Variants in UBAC1 observed in about 807,000 individuals in gnomAD.
UBAC1 encodes UBA domain containing 1, also known as ubiquitin-associated domain-containing protein 1.
A neutral mutation model predicts 45.9 loss-of-function variants in UBAC1; 27 were observed. The ratio of observed to expected loss-of-function variants is 0.59; its 90% confidence interval spans 0.43 to 0.81. The LOEUF (loss-of-function observed/expected upper bound fraction) is 0.81. Among genes scored for constraint, UBAC1 ranks in the 30% least tolerant of loss-of-function variants. UBAC1 has a pLI of 0.00. For synonymous variants in UBAC1, 227 were observed against 215.5 expected (o/e 1.05, Z -0.47); for missense variants, 529 against 539.2 (o/e 0.98, Z 0.19).
chr9:135,947,091 G>A (rs1014694554), intron 4 of UBAC1, among the ~76,000 whole-genome samples: 2 of 152,190 alleles, frequency 1.3e-5, no homozygotes, highest in Non-Finnish European at 2.9e-5. Context: ...GTGCCCTTAG[G>A]TTGGACTGGC....
chr9:135,945,829 GC>G, intron 6 of UBAC1, 59 bp downstream of exon 6: 1 of 1,393,896 alleles, frequency 7.2e-7, no homozygotes. Flanking sequence ...CACGGTGGGA[GC>G]CCCACAAAAC....
At chr9:135,959,333 C>T (rs1450411782) in intron 1 of UBAC1, among the ~76,000 whole-genome samples, 1 of 93,296 alleles carries the variant, frequency 1.1e-5, no homozygotes, top group Non-Finnish European at 3.0e-5. Context: ...AGGGAGGACA[C>T]AGCAGCACCT....
At chr9:135,944,938 T>C (rs1839308954) in intron 7 of UBAC1, 90 bp downstream of exon 7, 6 of 1,329,490 alleles carry the variant, frequency 4.5e-6, no homozygotes, top group Non-Finnish European at 6.2e-6. Flanking sequence ...CAGCCCAAGG[T>C]CAGCCATGCA....
Position 135,947,606 on chromosome 9 carries a change from A to G in UBAC1, c.441+192T>C, listed in dbSNP as rs1286369256. Reference sequence around the variant, plus strand: ...AATCCTGCCTTCAGATGGCTTTCCAACTCTTACTTGGAAATAATTTTTGAT... The same window carrying G: ...AATCCTGCCTTCAGATGGCTTTCCAGCTCTTACTTGGAAATAATTTTTGAT... On this transcript the variant is annotated intron_variant, in intron 4 of 9. Transcript: ENST00000371756. 2.4e-5 allele frequency: 12 copies of G among 493,012 alleles called. No individual in the cohort carries two copies. In the South Asian group the frequency reaches 3.8e-4, roughly 16 times the overall value. 30.5% of individuals were successfully genotyped at this position (493,012 alleles called of 1,614,324 possible).
chr9:135,935,828 C>T (rs1839197184), intron 9 of UBAC1, among the ~76,000 whole-genome samples: 1 of 152,062 alleles, frequency 6.6e-6, no homozygotes, highest in Non-Finnish European at 1.5e-5. Context: ...AGATCAAGAC[C>T]ATCCTGGCTA....
intron 9 of UBAC1, among the ~76,000 whole-genome samples, chr9:135,933,733 A>G (rs1348973865): frequency 6.6e-6 from 1 of 152,114 alleles, no homozygotes; most frequent in East Asian, 1.9e-4. Flanking sequence ...AGAGTCATGC[A>G]CTCAATTCTG....
At chr9:135,956,390 G>T (rs1588536696) in intron 1 of UBAC1, among the ~76,000 whole-genome samples, 2 of 152,302 alleles carry the variant, frequency 1.3e-5, no homozygotes, top group Admixed American at 1.3e-4. Context: ...TGGCTTGCGG[G>T]AGTCCTGCTT....
chr9:135,942,988 C>T (rs939104599), intron 7 of UBAC1, among the ~76,000 whole-genome samples: 1 of 152,204 alleles, frequency 6.6e-6, no homozygotes, highest in Non-Finnish European at 1.5e-5. Context: ...AACAGACAAC[C>T]TACAGAAGGG....
rs57527185 is a variant in UBAC1, at chr9:135,937,440, C to CAAAA, written c.1102+778_1102+781dup. On this transcript the variant is annotated intron_variant, in intron 9 of 9. Coordinates refer to ENST00000371756, the MANE Select transcript of UBAC1 (RefSeq NM_016172.3). ...TGGGTGACAAGGCGAGACTCTGTCTCAAAAAAAAAAAAAAAAAAAAATCAG... is the reference window on the plus strand; with the variant it reads ...TGGGTGACAAGGCGAGACTCTGTCTCAAAAAAAAAAAAAAAAAAAAAAAAATCAG... 5.9e-4 allele frequency among the ~76,000 whole-genome samples: 59 copies of CAAAA among 99,814 alleles called. 2 individuals carry two copies. The highest frequency in any genetic ancestry group is 1.4e-3 in the African/African-American group (33 of 23,308). The allele number at this position is 99,814 out of a possible 152,430, so 65.5% of individuals were successfully genotyped here. A position where few individuals can be genotyped will look rare whatever the true frequency, so the allele number is the denominator to read the frequency against.
At chr9:135,938,745 T>G (rs1046861980) in intron 8 of UBAC1, among the ~76,000 whole-genome samples, 1 of 146,076 alleles carries the variant, frequency 6.8e-6, no homozygotes, top group African/African-American at 2.5e-5. Flanking sequence ...GCTGGAGCCA[T>G]GAGGACACAG....
At chr9:135,939,468 T>G (rs909897299) in intron 8 of UBAC1, among the ~76,000 whole-genome samples, 1 of 143,506 alleles carries the variant, frequency 7.0e-6, no homozygotes, top group Non-Finnish European at 1.5e-5. Context: ...CAGCCCACAC[T>G]CACAGCCCAC....
chr9:135,950,738 GAAT>G (rs1269317651), intron 3 of UBAC1, among the ~76,000 whole-genome samples: 1 of 152,140 alleles, frequency 6.6e-6, no homozygotes, highest in Admixed American at 6.6e-5. Context: ...GTCATTCAAG[GAAT>G]AATAATATAC....
chr9:135,939,068 G>C (rs1178338927), intron 8 of UBAC1, among the ~76,000 whole-genome samples: 1 of 152,040 alleles, frequency 6.6e-6, no homozygotes. Flanking sequence ...CGGGCATAGT[G>C]GTGCATGCCT....
chr9:135,942,461 G>A (rs911854041), intron 7 of UBAC1, among the ~76,000 whole-genome samples: 7 of 152,132 alleles, frequency 4.6e-5, no homozygotes, highest in African/African-American at 1.7e-4. Flanking sequence ...ACCAGCCTGG[G>A]CAACACAGGG....
intron 9 of UBAC1, among the ~76,000 whole-genome samples, chr9:135,934,103 C>T (rs901178444): frequency 3.3e-5 from 5 of 152,220 alleles, no homozygotes; most frequent in Non-Finnish European, 5.9e-5. Context: ...AAGGAGCACG[C>T]GTTCTGCCAG....
chr9:135,955,101 T>C (rs1340289483), intron 2 of UBAC1, among the ~76,000 whole-genome samples, 194 bp downstream of exon 2: 1 of 152,264 alleles, frequency 6.6e-6, no homozygotes, highest in Non-Finnish European at 1.5e-5. Flanking sequence ...CAATTTCTGC[T>C]GTTTTTCACA....
intron 3 of UBAC1, among the ~76,000 whole-genome samples, chr9:135,949,991 C>T (rs761987920): frequency 7.9e-5 from 12 of 152,172 alleles, no homozygotes; most frequent in Non-Finnish European, 1.3e-4. Context: ...CAGGCCGCGC[C>T]CAGGCCCTGA....
intron 2 of UBAC1, 25 bp from the exon 3 acceptor site, chr9:135,953,778 A>G: frequency 6.2e-7 from 1 of 1,603,226 alleles, no homozygotes; most frequent in Non-Finnish European, 8.5e-7. Context: ...ACGTATATCC[A>G]ACACACTGGT....
chr9:135,956,387 C>A (rs1020198749), intron 1 of UBAC1, among the ~76,000 whole-genome samples: 1 of 152,162 alleles, frequency 6.6e-6, no homozygotes, highest in African/African-American at 2.4e-5. Context: ...CACTGGCTTG[C>A]GGGAGTCCTG....
Sources: allele counts gnomAD v4.1 joint callset (sites outside exome capture counted in the v4.1 genomes callset), GRCh38; gene constraint gnomAD v4.1.1; transcripts MANE v1.5; gene names NCBI Gene and HGNC (gene_info 2026-07-23, HGNC 2026-07-21).